DMD: variants seen among roughly 807,000 people sequenced by gnomAD.
DMD encodes dystrophin, also known as mutant dystrophin.
In DMD, 63 loss-of-function variants were observed where a neutral mutation model predicts 330.1. That is an observed-to-expected ratio of 0.19 (90% CI 0.16 to 0.24). DMD has a LOEUF of 0.24. Ranked by LOEUF, DMD falls within the 10% of genes least tolerant of loss-of-function variation. The probability of loss-of-function intolerance (pLI) is 1.00; values close to 1 mark genes in which losing one functional copy is unlikely to be tolerated. For missense variants in DMD, 3,344 were observed against 2,684.1 expected (o/e 1.25, Z -5.43); for synonymous variants, 1,223 against 959.8 (o/e 1.27, Z -5.07).
At chrX:32,468,081 A>T (rs187113712) in intron 23 of DMD, among the ~76,000 whole-genome samples, 1 of 110,355 alleles carries the variant, frequency 9.1e-6, no homozygotes, top group Non-Finnish European at 1.9e-5. Flanking sequence ...ATAGGAAATA[A>T]TCATATACAT....
chrX:31,183,860 CCT>C (rs762651121), intron 67 of DMD, among the ~76,000 whole-genome samples: 1 of 91,740 alleles, frequency 1.1e-5, no homozygotes, highest in South Asian at 5.0e-4. Context: ...GAAAATACCT[CCT>C]TTTTTTAAAA....
At chrX:31,940,479 T>C (rs1319600348) in intron 45 of DMD, among the ~76,000 whole-genome samples, 1 of 111,571 alleles carries the variant, frequency 9.0e-6, no homozygotes, top group African/African-American at 3.3e-5. Context: ...ACATATGTAA[T>C]ATTCCTTGTT....
chrX:33,244,644 C>T (rs2052638160), intron 1 of DMD, among the ~76,000 whole-genome samples: 1 of 111,547 alleles, frequency 9.0e-6, no homozygotes, highest in African/African-American at 3.3e-5. Context: ...AGTTTTTTAA[C>T]TGAGTAGGCA....
chrX:32,786,086 A>AGTATGTGTGTGTGT (rs1557029348), intron 7 of DMD, among the ~76,000 whole-genome samples: 4 of 96,548 alleles, frequency 4.1e-5, no homozygotes, highest in African/African-American at 1.6e-4. Context: ...GAGGAATAAG[A>AGTATGTGTGTGTGT]GTGTGTGTGT....
At chrX:31,541,688 T>C (rs1232689412) in intron 55 of DMD, among the ~76,000 whole-genome samples, 4 of 110,831 alleles carry the variant, frequency 3.6e-5, no homozygotes, top group East Asian at 2.8e-4. Context: ...TATGGCTGCA[T>C]AGTATTCCAT....
At chrX:31,256,173 T>C (rs887854458) in intron 63 of DMD, among the ~76,000 whole-genome samples, 5 of 112,030 alleles carry the variant, frequency 4.5e-5, no homozygotes, top group African/African-American at 1.6e-4. Flanking sequence ...ACTACTATTC[T>C]CTACTACCAT....
rs2051909961 is a variant in DMD, at chrX:33,211,457, G to A, written c.-145C>T. ...AGTAACACTTCAGTTTTTCCTATTC[G>A]TTTTTCTCCGAAGGTAATTGCCTCC... On this transcript the variant is annotated 5_prime_UTR_variant, in exon 1 of 79. It adds an upstream start codon to the 5' untranslated region. Coordinates refer to ENST00000357033, the MANE Select transcript of DMD (RefSeq NM_004006.3). 2 of 1,134,569 alleles carry A rather than the reference G, an allele frequency of 1.8e-6. No individual in the cohort carries two copies. Among genetic ancestry groups the A allele is most frequent in the Admixed American group, 2.8e-5 (1 of 35,749 alleles). 93.5% of individuals were successfully genotyped at this position (1,134,569 alleles called of 1,213,427 possible).
chrX:32,911,747 C>G (rs1048222072), intron 2 of DMD, among the ~76,000 whole-genome samples: 1 of 111,020 alleles, frequency 9.0e-6, no homozygotes, highest in Non-Finnish European at 1.9e-5. Context: ...TTTTTAAGTT[C>G]GTGAGAATTT....
intron 27 of DMD, among the ~76,000 whole-genome samples, chrX:32,447,881 C>A (rs1052205144): frequency 2.3e-4 from 26 of 110,869 alleles, no homozygotes; most frequent in African/African-American, 8.2e-4. Context: ...GACAGTAAGG[C>A]CCATCCATAA....
At chrX:31,967,297 GGTGTGTGTGTGTGTGTGTGTGTGTGT>G (rs746437287) in intron 45 of DMD, among the ~76,000 whole-genome samples, 35 of 74,585 alleles carry the variant, frequency 4.7e-4, no homozygotes, top group South Asian at 2.8e-3. Context: ...TTTGGCAAGG[GGTGTGTGTGTGTGTGTGTGTGTGTGT>G]GTGTGTGTGT....
intron 44 of DMD, among the ~76,000 whole-genome samples, chrX:32,009,087 A>G (rs1206379548): frequency 9.0e-6 from 1 of 111,595 alleles, no homozygotes; most frequent in Non-Finnish European, 1.9e-5. Flanking sequence ...AGCTAATCCT[A>G]TATTCAAACA....
At chrX:31,261,175 A>G in intron 62 of DMD, 159 bp from the exon 63 acceptor site, 1 of 470,521 alleles carries the variant, frequency 2.1e-6, no homozygotes, top group Non-Finnish European at 3.7e-6. Context: ...AGAAATGTTT[A>G]TCTTACAAGC....
At chrX:31,720,671 T>C (rs1423253904) in intron 52 of DMD, among the ~76,000 whole-genome samples, 1 of 111,944 alleles carries the variant, frequency 8.9e-6, no homozygotes, top group Non-Finnish European at 1.9e-5. Flanking sequence ...GTTTTGTTTA[T>C]TATGTTTAAT....
At chrX:32,481,842 G>A (rs2041928522) in intron 21 of DMD, among the ~76,000 whole-genome samples, 1 of 111,643 alleles carries the variant, frequency 9.0e-6, no homozygotes, top group Admixed American at 9.6e-5. Context: ...TCTCCACCAT[G>A]TATATTACCT....
chrX:31,293,218 T>TTTA (rs1569519891), intron 62 of DMD, among the ~76,000 whole-genome samples: 7 of 95,873 alleles, frequency 7.3e-5, no homozygotes, highest in African/African-American at 2.6e-4. Flanking sequence ...TGTGTGTGTG[T>TTTA]GTGTGTGTGT....
chrX:32,713,074 C>T (rs1209922599), intron 7 of DMD, among the ~76,000 whole-genome samples: 2 of 111,545 alleles, frequency 1.8e-5, no homozygotes, highest in Non-Finnish European at 3.8e-5. Context: ...CTATTCCACA[C>T]CATTAAATTA....
intron 11 of DMD, among the ~76,000 whole-genome samples, chrX:32,618,625 T>C (rs2057764059): frequency 9.0e-6 from 1 of 111,188 alleles, no homozygotes; most frequent in Non-Finnish European, 1.9e-5. Flanking sequence ...AGTTTACCCA[T>C]GTAACAAAAC....
chrX:32,175,474 G>C (rs868603350), intron 44 of DMD, among the ~76,000 whole-genome samples: 1 of 110,827 alleles, frequency 9.0e-6, no homozygotes, highest in Non-Finnish European at 1.9e-5. Context: ...CTTCCACGTT[G>C]TGGAAGCTTT....
chrX:32,214,224 T>TAAAAAAAAAAAAA, intron 44 of DMD, among the ~76,000 whole-genome samples: 1 of 89,003 alleles, frequency 1.1e-5, no homozygotes, highest in Non-Finnish European at 2.2e-5. Flanking sequence ...CTGAAACACT[T>TAAAAAAAAAAAAA]AAAAAAAAAA....
Sources: gnomAD v4.1 joint callset for allele counts (sites outside exome capture counted in the v4.1 genomes callset) on GRCh38, gnomAD v4.1.1 for gene constraint, MANE v1.5 for transcripts, NCBI Gene and HGNC (gene_info 2026-07-23, HGNC 2026-07-21) for gene names.